The following L1CAM variants were observed in gnomAD, a reference collection of about 807,000 sequenced individuals.
L1CAM encodes the protein L1 cell adhesion molecule.
Under a neutral mutation model 93.0 loss-of-function variants are expected in L1CAM, and 8 were observed. That is an observed-to-expected ratio of 0.09 (90% confidence interval 0.05 to 0.16). The LOEUF (loss-of-function observed/expected upper bound fraction) is 0.16. L1CAM is among the 10% of genes least tolerant of loss of function. The pLI, the probability that L1CAM is intolerant of heterozygous loss-of-function variation, is 1.00. For synonymous variants in L1CAM, 453 were observed against 453.0 expected (o/e 1.00, Z 0.00); for missense variants, 777 against 1,073.4 (o/e 0.72, Z 3.86).
intron 1 of L1CAM, chrX:153,880,471 C>G: frequency 4.3e-6 from 1 of 234,724 alleles, no homozygotes; most frequent in South Asian, 4.2e-5. Flanking sequence ...CTCAGTGGGC[C>G]AGAGTGGGGG....
intron 1 of L1CAM, chrX:153,884,059 AGGCCAGG>A: frequency 2.2e-6 from 1 of 459,626 alleles, no homozygotes; most frequent in Non-Finnish European, 3.6e-6. Flanking sequence ...AGGAGCCCTC[AGGCCAGG>A]CCCTTCCTCA....
intron 4 of L1CAM, 104 bp from the exon 5 acceptor site, chrX:153,872,458 A>T (rs2064779950): frequency 1.0e-6 from 1 of 956,930 alleles, no homozygotes. Flanking sequence ...CAGGGGATGG[A>T]CTGGGAGATG....
Position 153,870,188 on chromosome X carries a change from G to A in L1CAM, c.859C>T (p.Arg287Cys). The change falls in exon 9 of 29, where the codon CGT (arginine) becomes TGT (cysteine). Residue 287 changes from arginine (R) to cysteine (C), a missense_variant. Physicochemically the swap from Arg to Cys is radical, Grantham distance 180. This residue lies in a region of L1CAM where 574 missense variants were observed against 781.0 expected (regional missense o/e 0.73). Coordinates refer to ENST00000370060, the MANE Select transcript of L1CAM (RefSeq NM_001278116.2). ...LRPSGPMPAD[R>C]VTYQNHNKTL... is the part of the protein sequence containing the mutation. ...TTGTTGTGGTTCTGGTAGGTGACAC[G>A]GTCGGCTGGCATGGGGCCACTGGGG... 1 of 1,212,040 alleles carries A rather than the reference G, an allele frequency of 8.3e-7. No individual in the cohort carries two copies. The highest frequency in any genetic ancestry group is 1.1e-6 in the Non-Finnish European group (1 of 895,406).
intron 20 of L1CAM, 59 bp from the exon 21 acceptor site, chrX:153,865,559 G>T: frequency 9.1e-7 from 1 of 1,098,919 alleles, no homozygotes; most frequent in Non-Finnish European, 1.3e-6. Context: ...GGCCCCCAGC[G>T]CACACCCCCA....
rs1465340770 is a variant in L1CAM at position 153,862,513 on chromosome X, T to G, written c.*150A>C. 1 of 458,306 alleles carries G rather than the reference T, an allele frequency of 2.2e-6. No homozygotes were observed. Among genetic ancestry groups the G allele is most frequent in the Non-Finnish European group, 3.7e-6 (1 of 269,886 alleles). The allele number at this position is 458,306 out of a possible 1,213,427, so 37.8% of individuals were successfully genotyped here. A position where few individuals can be genotyped will look rare whatever the true frequency, so the allele number is the denominator to read the frequency against. On this transcript the variant is annotated 3_prime_UTR_variant, in exon 29 of 29. Coordinates refer to ENST00000370060, the MANE Select transcript of L1CAM (RefSeq NM_001278116.2). Reference sequence around the variant, plus strand: ...GCCCAGGAAGGGGTGCAGCTGGGTTTTGGCAATAAAGTGGGGACCGGGTGG... The same window carrying G: ...GCCCAGGAAGGGGTGCAGCTGGGTTGTGGCAATAAAGTGGGGACCGGGTGG...
chrX:153,871,731 G>T (rs2064771693), intron 5 of L1CAM, among the ~76,000 whole-genome samples: 1 of 111,083 alleles, frequency 9.0e-6, no homozygotes, highest in Middle Eastern at 4.6e-3. Flanking sequence ...GGAGGTGGAG[G>T]GGAGGAGATG....
At chrX:153,865,976 T>C (rs1174494179) in intron 19 of L1CAM, 157 bp from the exon 20 acceptor site, 1 of 466,828 alleles carries the variant, frequency 2.1e-6, no homozygotes, top group East Asian at 3.7e-5. Flanking sequence ...GATCTCTTCC[T>C]GGACTGCTTA....
intron 1 of L1CAM, chrX:153,885,855 G>A: frequency 2.4e-6 from 2 of 819,179 alleles, no homozygotes; most frequent in South Asian, 5.6e-5. Context: ...TCGGGCTCGG[G>A]CACCCGGCAT....
At chrX:153,865,924 A>G (rs1321989142) in intron 19 of L1CAM, 105 bp from the exon 20 acceptor site, 3 of 566,293 alleles carry the variant, frequency 5.3e-6, no homozygotes, top group Non-Finnish European at 6.2e-6. Context: ...ATATTTTATG[A>G]GGTACAGTTT....
intron 1 of L1CAM, chrX:153,880,675 C>T (rs781899770): frequency 5.0e-5 from 17 of 338,587 alleles, no homozygotes; most frequent in Non-Finnish European, 8.9e-5. Context: ...CTCCCCAGGC[C>T]GTGGCTGGCG....
At chrX:153,886,044 G>C in intron 1 of L1CAM, 21 bp downstream of exon 1, 1 of 420,808 alleles carries the variant, frequency 2.4e-6, no homozygotes, top group Non-Finnish European at 3.0e-6. Context: ...CGGGTCGCAC[G>C]GGGAGGCCAG....
At chrX:153,883,748 T>A (rs782215444) in intron 1 of L1CAM, 1 of 340,648 alleles carries the variant, frequency 2.9e-6, no homozygotes, top group African/African-American at 2.6e-5. Context: ...CTGGCAGACC[T>A]CCTCACAGGA....
intron 1 of L1CAM, among the ~76,000 whole-genome samples, chrX:153,881,429 G>GC (rs2148505427): frequency 1.8e-5 from 2 of 111,810 alleles, no homozygotes; most frequent in South Asian, 7.5e-4. Context: ...AAGCCATCCT[G>GC]CCCCGTGGGG....
intron 5 of L1CAM, 84 bp from the exon 6 acceptor site, chrX:153,871,263 C>CGGGGGGGGGGG: frequency 3.7e-5 from 10 of 268,195 alleles, no homozygotes; most frequent in Admixed American, 9.7e-5. Flanking sequence ...AGGGGGGTGG[C>CGGGGGGGGGGG]GGGCTACACC....
chrX:153,863,869 G>A lies in L1CAM; in HGVS notation c.3457+14C>T. 8.3e-7 allele frequency: 1 copy of A among 1,211,883 alleles called. No individual in the cohort carries two copies. The highest frequency in any genetic ancestry group is 1.1e-6 in the Non-Finnish European group (1 of 895,220). On this transcript the variant is annotated intron_variant, in intron 26 of 28. Coordinates refer to ENST00000370060, the MANE Select transcript of L1CAM (RefSeq NM_001278116.2). Reference sequence around the variant, plus strand: ...CCTCGGCTCCACCCCCGTCACGTGGGGCTCAGAGGCTACCTGAGTATTTGC... The same window carrying A: ...CCTCGGCTCCACCCCCGTCACGTGGAGCTCAGAGGCTACCTGAGTATTTGC...
chrX:153,863,822 G>T (rs782344486), intron 26 of L1CAM, 61 bp downstream of exon 26: 3 of 1,199,717 alleles, frequency 2.5e-6, no homozygotes, highest in South Asian at 3.5e-5. Flanking sequence ...AAGGGTGGAA[G>T]GGGCGAGGTG....
chrX:153,865,655 CT>C, intron 20 of L1CAM, 48 bp downstream of exon 20: 1 of 1,059,964 alleles, frequency 9.4e-7, no homozygotes, highest in Non-Finnish European at 1.3e-6. Flanking sequence ...CATCCTGTCG[CT>C]TTACCTCAGT....
chrX:153,872,018 G>T, intron 5 of L1CAM, 134 bp downstream of exon 5: 1 of 521,114 alleles, frequency 1.9e-6, no homozygotes. Context: ...CAGGGGAGAA[G>T]CTGGGGTGGG....
At chrX:153,871,792 G>A (rs1557093202) in intron 5 of L1CAM, among the ~76,000 whole-genome samples, 2 of 110,805 alleles carry the variant, frequency 1.8e-5, no homozygotes, top group African/African-American at 6.6e-5. Flanking sequence ...AGGAGTGCAG[G>A]TGTAGACAGA....
Sources: gnomAD v4.1 joint callset for allele counts (sites outside exome capture counted in the v4.1 genomes callset) on GRCh38, gnomAD v4.1.1 for gene constraint, gnomAD v4.1.1 regional missense constraint, MANE v1.5 for transcripts, NCBI Gene and HGNC (gene_info 2026-07-23, HGNC 2026-07-21) for gene names.